Variants in ST3GAL3 observed in about 807,000 individuals in gnomAD.
ST3GAL3 encodes the protein ST3 beta-galactoside alpha-2,3-sialyltransferase 3, also known as CMP-N-acetylneuraminate-beta-1,4-galactoside alpha-2,3-sialyltransferase.
Under a neutral mutation model 50.1 loss-of-function variants are expected in ST3GAL3, and 21 were observed. That is an observed-to-expected ratio of 0.42 (90% confidence interval 0.30 to 0.60). The LOEUF is 0.60. ST3GAL3 is among the 20% of genes least tolerant of loss of function. ST3GAL3 has a pLI of 0.19. For missense variants in ST3GAL3, 353 were observed against 489.4 expected (o/e 0.72, Z 2.63); for synonymous variants, 183 against 190.0 (o/e 0.96, Z 0.30).
chr1:43,746,701 A>T lies in ST3GAL3; in HGVS notation c.118+10321A>T, dbSNP rs140456874. Among the ~76,000 whole-genome samples, 1,428 of 150,742 alleles carry T rather than the reference A, an allele frequency of 9.5e-3. 18 individuals carry two copies. Among genetic ancestry groups the T allele is most frequent in the African/African-American group, 0.033 (1,366 of 40,904 alleles). On this transcript the variant is annotated intron_variant, in intron 2 of 11. Transcript: ENST00000347631. ...ATGGTCTCAATCTCCTGACCTTGTGATTCACCTGCCTTGGCCTCCCAAAGT... is the reference window on the plus strand; with the variant it reads ...ATGGTCTCAATCTCCTGACCTTGTGTTTCACCTGCCTTGGCCTCCCAAAGT...
chr1:43,912,095 A>G (rs749627596), intron 9 of ST3GAL3: 2 of 152,218 alleles, frequency 1.3e-5, no homozygotes, highest in African/African-American at 2.4e-5. Flanking sequence ...TTGAACCTAC[A>G]TGGATATGGT....
At chr1:43,726,619 G>C (rs1673031934) in intron 1 of ST3GAL3, among the ~76,000 whole-genome samples, 1 of 151,874 alleles carries the variant, frequency 6.6e-6, no homozygotes, top group African/African-American at 2.4e-5. Context: ...TCTTGAGATA[G>C]AGTCTTGTTT....
rs189458944 is a variant in ST3GAL3, at chr1:43,855,498, T to A, written c.302+17187T>A. On this transcript the variant is annotated intron_variant, in intron 5 of 11. Transcript: ENST00000347631. ...GGTGGTGGGCACCTGTAATCCCAAC[T>A]ACTCGGGAGGCTGAGGCAGGAGAAT... Among the ~76,000 whole-genome samples the A allele has an allele frequency of 2.9e-4, 44 of 151,936 alleles. 1 individual carries two copies. The highest frequency in any genetic ancestry group is 2.9e-3 in the Admixed American group (44 of 15,276).
intron 5 of ST3GAL3, among the ~76,000 whole-genome samples, chr1:43,865,509 A>G (rs1447170386): frequency 3.9e-5 from 6 of 152,124 alleles, no homozygotes; most frequent in Non-Finnish European, 7.3e-5. Context: ...AAGCATTTCC[A>G]TATATTTGGC....
chr1:43,842,354 T>C (rs551140609), intron 5 of ST3GAL3: 8 of 152,244 alleles, frequency 5.3e-5, no homozygotes, highest in Admixed American at 2.6e-4. Flanking sequence ...CATTCTTGCA[T>C]TGCTACAAAA....
intron 9 of ST3GAL3, among the ~76,000 whole-genome samples, chr1:43,905,349 TC>T (rs1181170286): frequency 8.6e-4 from 90 of 104,998 alleles, no homozygotes; most frequent in Non-Finnish European, 1.4e-3. Context: ...CCACCACTCT[TC>T]CCCCTCCTCC....
At chr1:43,917,525 ATAT>A (rs1323675751) in intron 9 of ST3GAL3, among the ~76,000 whole-genome samples, 10 of 70,118 alleles carry the variant, frequency 1.4e-4, no homozygotes, top group Admixed American at 2.8e-4. Flanking sequence ...AATATATATT[ATAT>A]TATATAATAT....
chr1:43,812,848 T>A (rs2060719846), intron 3 of ST3GAL3, among the ~76,000 whole-genome samples: 1 of 151,126 alleles, frequency 6.6e-6, no homozygotes, highest in East Asian at 1.9e-4. Context: ...AAATGCAGAG[T>A]TCTTAGAAAT....
chr1:43,740,468 T>G (rs1680388323), intron 2 of ST3GAL3, among the ~76,000 whole-genome samples: 1 of 152,102 alleles, frequency 6.6e-6, no homozygotes, highest in Non-Finnish European at 1.5e-5. Flanking sequence ...ATGGAAGCCT[T>G]GCATATTTTT....
intron 3 of ST3GAL3, among the ~76,000 whole-genome samples, chr1:43,814,675 A>G (rs980684448): frequency 2.6e-5 from 4 of 152,246 alleles, no homozygotes; most frequent in African/African-American, 7.2e-5. Flanking sequence ...CTGCCCTAGA[A>G]TGCATAGGAA....
chr1:43,875,236 C>T (rs1025664775), intron 5 of ST3GAL3, among the ~76,000 whole-genome samples: 15 of 152,080 alleles, frequency 9.9e-5, no homozygotes, highest in African/African-American at 1.9e-4. Context: ...GAGGATTGTA[C>T]GAGTTTAGCT....
chr1:43,882,535 C>G (rs2075313331), intron 5 of ST3GAL3, among the ~76,000 whole-genome samples: 1 of 152,170 alleles, frequency 6.6e-6, no homozygotes, highest in African/African-American at 2.4e-5. Flanking sequence ...TTTAGGCCCA[C>G]CTGAATCTAG....
At chr1:43,877,547 T>G (rs2074342234) in intron 5 of ST3GAL3, among the ~76,000 whole-genome samples, 1 of 152,166 alleles carries the variant, frequency 6.6e-6, no homozygotes, top group Admixed American at 6.6e-5. Context: ...TTTTTTGATG[T>G]GTTGAGCCTA....
Position 43,755,405 on chromosome 1 carries a change from A to G in ST3GAL3, c.118+19025A>G, listed in dbSNP as rs1252348276. 2.6e-5 allele frequency among the ~76,000 whole-genome samples: 4 copies of G among 152,256 alleles called. 1 individual carries two copies. The highest frequency in any genetic ancestry group is 5.9e-5 in the Non-Finnish European group (4 of 68,044). On this transcript the variant is annotated intron_variant, in intron 2 of 11. Transcript: ENST00000347631. ...TGTAACTTATATCCTTTACTGGTAGAAAAGTACATTGGTACAGCCATTCTG... is the reference window on the plus strand; with the variant it reads ...TGTAACTTATATCCTTTACTGGTAGGAAAGTACATTGGTACAGCCATTCTG...
chr1:43,885,782 C>A (rs2075884571), intron 5 of ST3GAL3, among the ~76,000 whole-genome samples: 1 of 152,218 alleles, frequency 6.6e-6, no homozygotes, highest in Admixed American at 6.5e-5. Context: ...TGTCAAGCCA[C>A]CTCACAGGGG....
At chr1:43,793,937 A>G (rs577939860) in intron 3 of ST3GAL3, among the ~76,000 whole-genome samples, 38 of 152,140 alleles carry the variant, frequency 2.5e-4, no homozygotes, top group African/African-American at 8.9e-4. Context: ...TTTTTAAAAT[A>G]GTAAGGGCAC....
chr1:43,771,343 G>A (rs982262245), intron 2 of ST3GAL3, among the ~76,000 whole-genome samples: 6 of 151,506 alleles, frequency 4.0e-5, no homozygotes, highest in African/African-American at 9.7e-5. Flanking sequence ...TTAAATAAGC[G>A]AGACTGTTGG....
intron 5 of ST3GAL3, among the ~76,000 whole-genome samples, chr1:43,864,477 C>T (rs2070809098): frequency 1.3e-5 from 2 of 152,078 alleles, no homozygotes; most frequent in South Asian, 4.1e-4. Flanking sequence ...TAGGGAAGGG[C>T]AGGAATCACA....
intron 2 of ST3GAL3, among the ~76,000 whole-genome samples, chr1:43,769,528 G>A (rs79571055): frequency 0.017 from 2,560 of 152,142 alleles, 81 homozygotes; most frequent in African/African-American, 0.059. Context: ...TCCTGTGTTC[G>A]TTTCTTTTTT....
Sources: gnomAD v4.1 joint callset for allele counts (sites outside exome capture counted in the v4.1 genomes callset) on GRCh38, gnomAD v4.1.1 for gene constraint, MANE v1.5 for transcripts, NCBI Gene and HGNC (gene_info 2026-07-23, HGNC 2026-07-21) for gene names.